WDFY4: variants seen among roughly 807,000 people sequenced by gnomAD.
WDFY4 encodes WDFY family member 4, also known as WD repeat- and FYVE domain-containing protein 4.
WDFY4 carries 169 observed loss-of-function variants against 351.9 expected under a neutral mutation model. The observed-to-expected ratio is 0.48, with a 90% CI of 0.42 to 0.55. The LOEUF (loss-of-function observed/expected upper bound fraction) is 0.55. WDFY4 is among the 20% of genes least tolerant of loss of function. The pLI is 0.00. For missense variants in WDFY4, 3,803 were observed against 3,935.6 expected, an observed-to-expected ratio of 0.97 and a Z score of 0.90; for synonymous variants, 1,622 against 1,574.6, an observed-to-expected ratio of 1.03 and a Z score of -0.71.
intron 32 of WDFY4, among the ~76,000 whole-genome samples, chr10:48,819,918 C>T (rs375251582): frequency 3.3e-5 from 5 of 152,236 alleles, no homozygotes; most frequent in Admixed American, 6.5e-5. Flanking sequence ...TCTATTTAAC[C>T]GATGGGGAGC....
At chr10:48,815,971 T>C (rs937991648) in intron 31 of WDFY4, among the ~76,000 whole-genome samples, 3 of 152,224 alleles carry the variant, frequency 2.0e-5, no homozygotes, top group African/African-American at 7.2e-5. Context: ...CTCCTTTCTT[T>C]GTATTCAGCA....
intron 57 of WDFY4, among the ~76,000 whole-genome samples, chr10:48,972,261 T>C (rs1842369701): frequency 6.6e-6 from 1 of 152,192 alleles, no homozygotes; most frequent in Non-Finnish European, 1.5e-5. Context: ...AAGTCATCAC[T>C]GAAGAGCCTC....
intron 32 of WDFY4, among the ~76,000 whole-genome samples, chr10:48,819,145 C>T (rs1177537237): frequency 1.3e-5 from 2 of 152,238 alleles, no homozygotes; most frequent in African/African-American, 4.8e-5. Context: ...AGGGGAGGGT[C>T]TGGCCCAGAG....
intron 56 of WDFY4, among the ~76,000 whole-genome samples, chr10:48,969,483 G>A (rs572793778): frequency 6.6e-6 from 1 of 152,308 alleles, no homozygotes; most frequent in East Asian, 1.9e-4. Context: ...GTCACCTCCA[G>A]AGCAGAGGCT....
At chr10:48,693,342 G>A (rs931921149) in intron 1 of WDFY4, among the ~76,000 whole-genome samples, 3 of 152,174 alleles carry the variant, frequency 2.0e-5, no homozygotes, top group African/African-American at 4.8e-5. Flanking sequence ...AAGCAGAGGT[G>A]TTGGTGCCGG....
At chr10:48,703,649 G>A (rs1301407201) in intron 1 of WDFY4, among the ~76,000 whole-genome samples, 1 of 152,138 alleles carries the variant, frequency 6.6e-6, no homozygotes. Flanking sequence ...TTAGCTCCAA[G>A]GGCGCTGCTA....
At chr10:48,734,516 A>G (rs1377425994) in intron 10 of WDFY4, among the ~76,000 whole-genome samples, 1 of 104,636 alleles carries the variant, frequency 9.6e-6, no homozygotes, top group African/African-American at 3.7e-5. Context: ...TTTAAAAATA[A>G]TATGTGCATA....
intron 47 of WDFY4, among the ~76,000 whole-genome samples, chr10:48,929,729 A>G (rs1839875935): frequency 6.6e-6 from 1 of 152,164 alleles, no homozygotes; most frequent in African/African-American, 2.4e-5. Flanking sequence ...GATGATGATA[A>G]GCATCTCAAA....
At chr10:48,732,168 T>C (rs2064484694) in intron 9 of WDFY4, among the ~76,000 whole-genome samples, 1 of 152,186 alleles carries the variant, frequency 6.6e-6, no homozygotes, top group Non-Finnish European at 1.5e-5. Flanking sequence ...ATGAGGGTGC[T>C]TGGTGGCTCA....
intron 39 of WDFY4, among the ~76,000 whole-genome samples, chr10:48,846,148 G>C (rs1167792231): frequency 6.6e-6 from 1 of 152,234 alleles, no homozygotes; most frequent in African/African-American, 2.4e-5. Flanking sequence ...TACCAATGGA[G>C]TTAAGAAGCC....
intron 1 of WDFY4, among the ~76,000 whole-genome samples, chr10:48,694,761 C>G (rs1457549649): frequency 6.6e-6 from 1 of 152,168 alleles, no homozygotes; most frequent in Non-Finnish European, 1.5e-5. Flanking sequence ...GCCAGACACT[C>G]ACTCACGCTG....
chr10:48,873,078 A>G (rs992429386), intron 40 of WDFY4, among the ~76,000 whole-genome samples: 2 of 152,110 alleles, frequency 1.3e-5, no homozygotes, highest in African/African-American at 4.8e-5. Flanking sequence ...ACTCCACTCT[A>G]GTTCAGGCAA....
intron 45 of WDFY4, 133 bp from the exon 46 acceptor site, chr10:48,900,088 A>C: frequency 1.5e-6 from 1 of 683,378 alleles, no homozygotes; most frequent in Non-Finnish European, 2.4e-6. Context: ...TACCATGGGA[A>C]CTCAAAAGGA....
intron 35 of WDFY4, chr10:48,824,238 G>C: frequency 2.1e-6 from 2 of 966,602 alleles, no homozygotes; most frequent in Non-Finnish European, 2.5e-6. Flanking sequence ...GAACCACCCA[G>C]CCTCTCTGAC....
At chr10:48,945,146 CAGG>C (rs1840975424) in intron 49 of WDFY4, among the ~76,000 whole-genome samples, 1 of 152,144 alleles carries the variant, frequency 6.6e-6, no homozygotes, top group Non-Finnish European at 1.5e-5. Flanking sequence ...GAGGCCGAAG[CAGG>C]AGGATTGCTT....
At chr10:48,913,718 G>GAGCT in intron 47 of WDFY4, 1 of 1,612,902 alleles carries the variant, frequency 6.2e-7, no homozygotes. Flanking sequence ...CTACCTCGTG[G>GAGCT]AGCTCCTTCA....
intron 43 of WDFY4, among the ~76,000 whole-genome samples, chr10:48,886,596 G>A (rs1430515500): frequency 2.0e-5 from 3 of 152,116 alleles, no homozygotes; most frequent in Non-Finnish European, 4.4e-5. Context: ...ATCATGGGGT[G>A]ACCCTCACTA....
intron 45 of WDFY4, among the ~76,000 whole-genome samples, chr10:48,900,003 T>A (rs187896510): frequency 2.5e-4 from 38 of 152,234 alleles, no homozygotes; most frequent in African/African-American, 8.4e-4. Context: ...TCAACAGAAC[T>A]CCAAGCTGTG....
At chr10:48,685,596 G>A (rs554951833) in intron 1 of WDFY4, among the ~76,000 whole-genome samples, 226 of 152,274 alleles carry the variant, frequency 1.5e-3, no homozygotes, top group Admixed American at 5.0e-3. Flanking sequence ...CCATTGAAAC[G>A]CCTGCATTTT....
Sources: gnomAD v4.1 joint callset for allele counts (sites outside exome capture counted in the v4.1 genomes callset) on GRCh38, gnomAD v4.1.1 for gene constraint, MANE v1.5 for transcripts, NCBI Gene and HGNC (gene_info 2026-07-23, HGNC 2026-07-21) for gene names.